Variants in DNAH17 observed in about 807,000 individuals in gnomAD.
DNAH17 encodes axonemal beta dynein heavy chain 17.
A neutral mutation model predicts 485.6 loss-of-function variants in DNAH17; 376 were observed. That is an observed-to-expected ratio of 0.77 (90% CI 0.71 to 0.84). DNAH17 has a LOEUF of 0.84. Ranked by LOEUF, DNAH17 falls within the 40% of genes least tolerant of loss-of-function variation. The pLI is 0.00. For missense variants in DNAH17, 6,370 were observed against 5,839.3 expected (o/e 1.09, Z -2.96); for synonymous variants, 3,031 against 2,405.9 (o/e 1.26, Z -7.60).
At chr17:78,461,458 G>A (rs990435398) in intron 58 of DNAH17, 86 bp downstream of exon 58, 43 of 1,334,342 alleles carry the variant, frequency 3.2e-5, no homozygotes, top group Non-Finnish European at 2.1e-5. Flanking sequence ...CACGCCTGTC[G>A]GTGGCACCTG....
In DNAH17 at chr17:78,552,753, T is replaced by A; in HGVS notation, c.2231A>T (p.Glu744Val). 1 of 1,613,976 alleles carries A rather than the reference T, an allele frequency of 6.2e-7. No individual in the cohort carries two copies. The highest frequency in any genetic ancestry group is 8.5e-7 in the Non-Finnish European group (1 of 1,179,844). ...GCTCAATAACTTGACATCAATTGCT[T>A]CCAGTTCTGACTTTATTAGTAGAAA... ...VEFLLIKSEL[E>V]AIDVKLLSAE... Residue 744 changes from glutamate (E) to valine (V), a missense_variant, in exon 15 of 81, where the codon GAA (glutamate) becomes GTA (valine). Transcript: ENST00000389840.
chr17:78,434,407 C>G (rs1389528861), intron 74 of DNAH17, among the ~76,000 whole-genome samples, 187 bp from the exon 75 acceptor site: 1 of 152,194 alleles, frequency 6.6e-6, no homozygotes, highest in African/African-American at 2.4e-5. Flanking sequence ...GCTGTCATGG[C>G]TGAGTACGAT....
intron 31 of DNAH17, among the ~76,000 whole-genome samples, chr17:78,503,410 C>G (rs372424882): frequency 1.4e-4 from 21 of 148,752 alleles, no homozygotes; most frequent in East Asian, 1.0e-3. Flanking sequence ...TGGTCTCGAT[C>G]TCCTGACCTC....
At chr17:78,506,877 G>C (rs780781667) in intron 29 of DNAH17, 31 bp from the exon 30 acceptor site, 8 of 1,613,178 alleles carry the variant, frequency 5.0e-6, no homozygotes, top group Non-Finnish European at 6.8e-6. Context: ...AGAGGAGGCC[G>C]GTGACCCTAC....
At chr17:78,453,499 GA>G (rs779887332) in intron 64 of DNAH17, 34 bp from the exon 65 acceptor site, 5 of 1,612,250 alleles carry the variant, frequency 3.1e-6, no homozygotes, top group Non-Finnish European at 4.2e-6. Context: ...GTTCATGGCA[GA>G]GGGCCTCGTG....
intron 7 of DNAH17, among the ~76,000 whole-genome samples, chr17:78,569,833 T>C (rs1452377003): frequency 6.6e-6 from 1 of 152,156 alleles, no homozygotes; most frequent in Middle Eastern, 3.2e-3. Context: ...TTTTATTATA[T>C]AGAGGTGGCC....
chr17:78,471,448 C>T (rs774222562), intron 54 of DNAH17, among the ~76,000 whole-genome samples: 1 of 152,220 alleles, frequency 6.6e-6, no homozygotes, highest in Admixed American at 6.5e-5. Flanking sequence ...AGACGAATCA[C>T]TCTTCTCATT....
chr17:78,445,069 G>A (rs1021550774), intron 70 of DNAH17, among the ~76,000 whole-genome samples: 1 of 152,168 alleles, frequency 6.6e-6, no homozygotes. Flanking sequence ...AGGGGTCTCT[G>A]CAAATGGGGC....
chr17:78,443,765 G>A (rs1300579325), intron 71 of DNAH17, among the ~76,000 whole-genome samples: 1 of 152,152 alleles, frequency 6.6e-6, no homozygotes, highest in Non-Finnish European at 1.5e-5. Flanking sequence ...TCCCAGGCTG[G>A]TCTCAAACTC....
intron 19 of DNAH17, chr17:78,533,037 A>G (rs533422290): frequency 1.5e-5 from 4 of 271,062 alleles, no homozygotes; most frequent in South Asian, 6.3e-5. Flanking sequence ...GACCACAGGC[A>G]CGTGCCACTG....
chr17:78,565,497 T>C (rs990647461), intron 11 of DNAH17, among the ~76,000 whole-genome samples: 1 of 152,172 alleles, frequency 6.6e-6, no homozygotes, highest in Non-Finnish European at 1.5e-5. Flanking sequence ...AGCCTTGAAA[T>C]CCTCCTGAAA....
chr17:78,433,454 T>C (rs1425357280), intron 75 of DNAH17, among the ~76,000 whole-genome samples: 1 of 152,204 alleles, frequency 6.6e-6, no homozygotes, highest in African/African-American at 2.4e-5. Flanking sequence ...CTGCAGACCG[T>C]TTACGGAGGA....
At chr17:78,535,921 T>C (rs754965645) in intron 19 of DNAH17, among the ~76,000 whole-genome samples, 4 of 151,628 alleles carry the variant, frequency 2.6e-5, no homozygotes, top group Non-Finnish European at 4.4e-5. Context: ...TCTTTTCAGA[T>C]TTTTTTTTAT....
intron 74 of DNAH17, 44 bp downstream of exon 74, chr17:78,437,597 C>T (rs575112556): frequency 1.7e-4 from 257 of 1,504,754 alleles, no homozygotes; most frequent in Admixed American, 4.3e-4. Context: ...GATGCCAGGC[C>T]GTGGCATGGG....
At position 78,510,452 on chromosome 17, in the gene DNAH17, G is replaced by T. The variant is rs1320118907; in HGVS notation, c.4168C>A (p.Leu1390Ile). ...TTLADLLQLN[L>I]HSYEDEVRNI... ...CGGACCTCATCCTCGTAACTGTGGA[G>T]GTTCAGCTGCAGTAAATCTGCCAGG... Residue 1390 changes from leucine (L) to isoleucine (I), a missense_variant, in exon 27 of 81, where the codon CTC (leucine) becomes ATC (isoleucine). Leu to Ile is a conservative substitution (Grantham distance 5). Transcript: ENST00000389840. 1 of 1,613,800 alleles carries T rather than the reference G, an allele frequency of 6.2e-7. No homozygotes were observed. Among genetic ancestry groups the T allele is most frequent in the South Asian group, 1.1e-5 (1 of 91,078 alleles).
At chr17:78,465,130 C>T (rs1157480188) in intron 56 of DNAH17, among the ~76,000 whole-genome samples, 1 of 152,228 alleles carries the variant, frequency 6.6e-6, no homozygotes, top group Non-Finnish European at 1.5e-5. Flanking sequence ...CGGGGTTTCG[C>T]TGTGTTGCCC....
intron 38 of DNAH17, 54 bp from the exon 39 acceptor site, chr17:78,495,151 AC>A: frequency 6.6e-7 from 1 of 1,515,444 alleles, no homozygotes; most frequent in Non-Finnish European, 8.9e-7. Flanking sequence ...CCCAACCTAC[AC>A]CCCTGCCTGT....
chr17:78,426,460 G>GA lies in DNAH17; in HGVS notation c.12911dup (p.Arg4305GlnfsTer89). 6.3e-7 allele frequency: 1 copy of GA among 1,599,590 alleles called. No homozygotes were observed. Among genetic ancestry groups the GA allele is most frequent in the Non-Finnish European group, 8.5e-7 (1 of 1,173,428 alleles). On this transcript the variant is annotated frameshift_variant, in exon 79 of 81. Coordinates refer to ENST00000389840, the MANE Select transcript of DNAH17 (RefSeq NM_173628.4). LOFTEE classifies it high-confidence loss of function. ...TCTCAGAGAAAACGGCACTTACCCTGATGCGGAGCAGCAGGTCTGCGTACC... is the reference window on the plus strand; with the variant it reads ...TCTCAGAGAAAACGGCACTTACCCTGAATGCGGAGCAGCAGGTCTGCGTACC...
At chr17:78,447,603 T>C (rs2087363852) in intron 69 of DNAH17, among the ~76,000 whole-genome samples, 1 of 152,228 alleles carries the variant, frequency 6.6e-6, no homozygotes, top group Non-Finnish European at 1.5e-5. Context: ...AACAAAACGT[T>C]CTTTGGGACC....
Sources: gnomAD v4.1 joint callset for allele counts (sites outside exome capture counted in the v4.1 genomes callset) on GRCh38, gnomAD v4.1.1 for gene constraint, MANE v1.5 for transcripts, NCBI Gene and HGNC (gene_info 2026-07-23, HGNC 2026-07-21) for gene names.